The following C5orf47 variants were observed in gnomAD, a reference collection of about 807,000 sequenced individuals.
C5orf47 encodes chromosome 5 open reading frame 47.
A neutral mutation model predicts 20.6 loss-of-function variants in C5orf47; 20 were observed. That is an observed-to-expected ratio of 0.97 (90% CI 0.68 to 1.41). The LOEUF (loss-of-function observed/expected upper bound fraction) is 1.41, where lower values mean the gene tolerates loss of function less well. Ranked by LOEUF, C5orf47 falls within the 40% of genes most tolerant of loss-of-function variation. The pLI is 0.00. For synonymous variants in C5orf47, 106 were observed against 97.3 expected, an observed-to-expected ratio of 1.09 and a Z score of -0.53; for missense variants, 262 against 238.4, an observed-to-expected ratio of 1.10 and a Z score of -0.65.
intron 1 of C5orf47, among the ~76,000 whole-genome samples, chr5:173,995,317 T>C (rs982357200): frequency 6.6e-6 from 1 of 152,132 alleles, no homozygotes; most frequent in African/African-American, 2.4e-5. Context: ...CTAGTAGATA[T>C]GAGTGTTGTA....
At chr5:173,989,848 C>T (rs780537317) in intron 1 of C5orf47, among the ~76,000 whole-genome samples, 1 of 152,188 alleles carries the variant, frequency 6.6e-6, no homozygotes, top group Non-Finnish European at 1.5e-5. Flanking sequence ...AGGCTTTTGG[C>T]CTGCGTGTTT....
chr5:174,005,517 G>A lies in C5orf47; in HGVS notation c.*1263G>A, dbSNP rs72814732. On this transcript the variant is annotated 3_prime_UTR_variant, in exon 5 of 5. Transcript: ENST00000340147. ...GAAGGACACATTGCCTGGGGAAATG[G>A]CCTCGGTTTTTTTGCCATGTAGGCT... The A allele has an allele frequency of 0.023, 3,551 of 152,324 alleles. 57 individuals are homozygous for A. The highest frequency in any genetic ancestry group is 0.061 in the Middle Eastern group (18 of 294). 9.4% of individuals were successfully genotyped at this position (152,324 alleles called of 1,614,324 possible). A position where few individuals can be genotyped will look rare whatever the true frequency, so the allele number is the denominator to read the frequency against.
At chr5:173,993,038 CTAGT>C (rs951566270) in intron 1 of C5orf47, among the ~76,000 whole-genome samples, 2 of 152,002 alleles carry the variant, frequency 1.3e-5, no homozygotes, top group African/African-American at 4.8e-5. Flanking sequence ...TCTGATTTGC[CTAGT>C]TATTTATTTA....
chr5:174,002,021 G>A (rs1344666497), intron 4 of C5orf47, among the ~76,000 whole-genome samples: 11 of 148,470 alleles, frequency 7.4e-5, no homozygotes, highest in Middle Eastern at 3.2e-3. Flanking sequence ...TGACTCAATC[G>A]TAGCCCACTG....
At chr5:174,002,559 G>T (rs982196918) in intron 4 of C5orf47, among the ~76,000 whole-genome samples, 15 of 151,590 alleles carry the variant, frequency 9.9e-5, no homozygotes, top group African/African-American at 3.2e-4. Context: ...AAGATTTGCT[G>T]TTTTTTAACA....
At chr5:173,994,206 C>T (rs1336698840) in intron 1 of C5orf47, among the ~76,000 whole-genome samples, 1 of 152,166 alleles carries the variant, frequency 6.6e-6, no homozygotes, top group Non-Finnish European at 1.5e-5. Context: ...TTACTGTTGA[C>T]CAATGCTGGC....
downstream of C5orf47, among the ~76,000 whole-genome samples, chr5:174,008,571 G>A (rs1354229039): frequency 6.6e-6 from 1 of 152,172 alleles, no homozygotes; most frequent in African/African-American, 2.4e-5. Context: ...GGTGGCTCAC[G>A]CCTGTAATCC....
At chr5:174,008,368 AAGC>A (rs2113381920), downstream of C5orf47, among the ~76,000 whole-genome samples, 1 of 152,354 alleles carries the variant, frequency 6.6e-6, no homozygotes, top group East Asian at 1.9e-4. Context: ...GCTGTGGTGT[AAGC>A]AGTCCTGCTG....
At chr5:174,008,840 AAG>A (rs1433865087), downstream of C5orf47, among the ~76,000 whole-genome samples, 3 of 150,218 alleles carry the variant, frequency 2.0e-5, no homozygotes, top group African/African-American at 5.0e-5. Context: ...AAAAAAAAAA[AAG>A]AAAGAAAAAC....
chr5:173,998,171 C>T lies in C5orf47; in HGVS notation c.344C>T (p.Ala115Val), dbSNP rs1011658891. The T allele has an allele frequency of 6.5e-7, 1 of 1,538,546 alleles. No individual in the cohort carries two copies. Among genetic ancestry groups the T allele is most frequent in the Non-Finnish European group, 8.8e-7 (1 of 1,139,412 alleles). ...SARAGLIQKD[A>V]AKKYDFPIPL... is the part of the protein sequence containing the mutation. ...AAATTAGGTTTAATCCAGAAGGATG[C>T]AGCTAAAAAGTATGATTTTCCCATA... Residue 115 changes from alanine to valine, a missense_variant, in exon 2 of 5, where the codon GCA becomes GTA. Physicochemically the swap from Ala to Val is moderately conservative, Grantham distance 64. Coordinates refer to ENST00000340147, the MANE Select transcript of C5orf47 (RefSeq NM_001144954.2).
chr5:173,992,150 C>T (rs894435081), intron 1 of C5orf47, among the ~76,000 whole-genome samples: 1 of 149,326 alleles, frequency 6.7e-6, no homozygotes, highest in Admixed American at 6.7e-5. Context: ...GGTTATTTCC[C>T]TCTTGTCATT....
At chr5:174,003,328 A>G (rs1759231314) in intron 4 of C5orf47, among the ~76,000 whole-genome samples, 1 of 152,176 alleles carries the variant, frequency 6.6e-6, no homozygotes, top group Non-Finnish European at 1.5e-5. Context: ...CCAAGTGAAA[A>G]GTAAAATGCA....
At chr5:174,002,052 C>T (rs965763841) in intron 4 of C5orf47, among the ~76,000 whole-genome samples, 2 of 151,330 alleles carry the variant, frequency 1.3e-5, no homozygotes, top group Non-Finnish European at 2.9e-5. Context: ...CTCCTGGACT[C>T]AAGTGATCCT....
At chr5:173,996,059 T>A (rs2113364818) in intron 1 of C5orf47, among the ~76,000 whole-genome samples, 1 of 152,352 alleles carries the variant, frequency 6.6e-6, no homozygotes, top group East Asian at 1.9e-4. Context: ...GAAGTACAAA[T>A]GAATGTTTTG....
rs1373544055 is a variant in C5orf47 at position 174,000,324 on chromosome 5, T to C, written c.511+525T>C. ...AATTAAACCGTGCTCTAAAGCACTA[T>C]TGAGTTGATATTGTGGTCAGAGCGA... On this transcript the variant is annotated intron_variant, in intron 3 of 4. Coordinates refer to ENST00000340147, the MANE Select transcript of C5orf47 (RefSeq NM_001144954.2). Among the ~76,000 whole-genome samples, 3 of 152,128 alleles carry C rather than the reference T, an allele frequency of 2.0e-5. No individual in the cohort carries two copies. The East Asian group carries it at 5.8e-4, about 29-fold the overall frequency.
rs1418809645 is a variant in C5orf47, at chr5:174,004,809, G to A, written c.*555G>A. 2 of 152,118 alleles carry A rather than the reference G, an allele frequency of 1.3e-5. No individual in the cohort carries two copies. The highest frequency in any genetic ancestry group is 1.3e-4 in the Admixed American group (2 of 15,262). The allele number at this position is 152,118 out of a possible 1,614,324, so 9.4% of individuals were successfully genotyped here. ...ATTTAAGCCATCTTTTCATCCTAAG[G>A]AAAATTAGTAAATGTATGCATTTAT... On this transcript the variant is annotated 3_prime_UTR_variant, in exon 5 of 5. Coordinates refer to ENST00000340147, the MANE Select transcript of C5orf47 (RefSeq NM_001144954.2).
chr5:174,001,707 G>A (rs954556515), intron 4 of C5orf47, among the ~76,000 whole-genome samples: 1 of 151,656 alleles, frequency 6.6e-6, no homozygotes, highest in African/African-American at 2.4e-5. Flanking sequence ...ATTTACCTTT[G>A]CTACCACCTA....
chr5:173,997,210 A>G (rs570117610), intron 1 of C5orf47, among the ~76,000 whole-genome samples: 1 of 152,264 alleles, frequency 6.6e-6, no homozygotes, highest in South Asian at 2.1e-4. Context: ...CTGGAAAGCT[A>G]AGTATTGAAA....
In C5orf47 at chr5:173,998,049, A is replaced by G. The variant is rs1759130079; in HGVS notation, c.326-104A>G. On this transcript the variant is annotated intron_variant, in intron 1 of 4. Transcript: ENST00000340147. Reference sequence around the variant, plus strand: ...GGTGATCAGAAATATACCAACAAGTATAAAAATCCCCAAGGAGACCTCAAG... The same window carrying G: ...GGTGATCAGAAATATACCAACAAGTGTAAAAATCCCCAAGGAGACCTCAAG... The G allele has an allele frequency of 1.3e-5, 9 of 682,718 alleles. No homozygotes were observed. In the East Asian group the frequency reaches 2.3e-4, roughly 18 times the overall value. The allele number at this position is 682,718 out of a possible 1,614,324, so 42.3% of individuals were successfully genotyped here.
Sources: gnomAD v4.1 joint callset for allele counts (sites outside exome capture counted in the v4.1 genomes callset) on GRCh38, gnomAD v4.1.1 for gene constraint, MANE v1.5 for transcripts, NCBI Gene and HGNC (gene_info 2026-07-23, HGNC 2026-07-21) for gene names.